GPC5: variants seen among roughly 807,000 people sequenced by gnomAD.
GPC5 encodes glypican 5.
Under a neutral mutation model 53.9 loss-of-function variants are expected in GPC5, and 47 were observed. The observed-to-expected ratio is 0.87, with a 90% CI of 0.69 to 1.11. GPC5 has a LOEUF of 1.11. Among genes scored for constraint, GPC5 ranks in the 50% most tolerant of loss-of-function variants. GPC5 has a pLI of 0.00. For missense variants in GPC5, 748 were observed against 713.1 expected (o/e 1.05, Z -0.56); for synonymous variants, 286 against 263.3 (o/e 1.09, Z -0.84).
At position 92,067,398 on chromosome 13, in the gene GPC5, G is replaced by T. The variant is rs2041176006; in HGVS notation, c.1402-77432G>T. 2.6e-5 allele frequency among the ~76,000 whole-genome samples: 4 copies of T among 152,138 alleles called. No homozygotes were observed. In the South Asian group the frequency reaches 8.3e-4, roughly 32 times the overall value. On this transcript the variant is annotated intron_variant, in intron 6 of 7. Transcript: ENST00000377067. The stretch of plus-strand genomic sequence containing the variant: ...GTAATTCTTTAATTCTGGTATGCGT[G>T]CAACATCCCTTGTGTATGCAAACAA...
chr13:92,325,864 G>A (rs2043247480), intron 7 of GPC5, among the ~76,000 whole-genome samples: 2 of 152,060 alleles, frequency 1.3e-5, no homozygotes, highest in Admixed American at 6.6e-5. Flanking sequence ...AGGGGGTGAC[G>A]TTACAAAGGG....
intron 6 of GPC5, among the ~76,000 whole-genome samples, chr13:91,951,073 T>G (rs1468360772): frequency 2.0e-5 from 3 of 152,168 alleles, no homozygotes; most frequent in Non-Finnish European, 4.4e-5. Context: ...TACAGCTAGT[T>G]TAAGAGCTCC....
chr13:91,718,357 G>T (rs149313851), intron 3 of GPC5, among the ~76,000 whole-genome samples: 285 of 151,260 alleles, frequency 1.9e-3, no homozygotes, highest in African/African-American at 6.8e-3. Flanking sequence ...TGATCCACCC[G>T]CTTTGGCCTC....
At chr13:91,971,401 T>C (rs567217612) in intron 6 of GPC5, among the ~76,000 whole-genome samples, 8 of 152,280 alleles carry the variant, frequency 5.3e-5, no homozygotes, top group African/African-American at 1.9e-4. Context: ...ATTTTGTTGA[T>C]CTTTTCAAAA....
chr13:91,892,641 T>G (rs1193062854), intron 5 of GPC5, among the ~76,000 whole-genome samples: 3 of 151,762 alleles, frequency 2.0e-5, no homozygotes, highest in Non-Finnish European at 4.4e-5. Context: ...TATATAATTT[T>G]AGAAACATGA....
intron 3 of GPC5, among the ~76,000 whole-genome samples, chr13:91,700,777 G>A (rs1350467025): frequency 6.6e-6 from 1 of 152,058 alleles, no homozygotes; most frequent in African/African-American, 2.4e-5. Flanking sequence ...ATCAAATTAC[G>A]TGTCAAATGT....
intron 6 of GPC5, among the ~76,000 whole-genome samples, chr13:91,934,590 A>G (rs536311398): frequency 2.0e-5 from 3 of 152,096 alleles, no homozygotes; most frequent in East Asian, 3.9e-4. Flanking sequence ...TTGAAACAGA[A>G]TAGATAGCAG....
At chr13:92,030,570 C>A (rs576293975) in intron 6 of GPC5, among the ~76,000 whole-genome samples, 15 of 152,256 alleles carry the variant, frequency 9.9e-5, no homozygotes, top group Non-Finnish European at 2.2e-4. Flanking sequence ...CCTTTCCCTA[C>A]ATATATCACA....
intron 3 of GPC5, among the ~76,000 whole-genome samples, chr13:91,702,059 A>G (rs958814899): frequency 1.3e-5 from 2 of 152,128 alleles, no homozygotes; most frequent in South Asian, 2.1e-4. Flanking sequence ...GATATTAAAC[A>G]TTTAAACATA....
chr13:92,242,335 T>C (rs1305321915), intron 7 of GPC5, among the ~76,000 whole-genome samples: 1 of 152,080 alleles, frequency 6.6e-6, no homozygotes, highest in African/African-American at 2.4e-5. Flanking sequence ...CAGCATCTAA[T>C]TGAATTTAAA....
intron 2 of GPC5, among the ~76,000 whole-genome samples, chr13:91,624,896 T>A (rs2033957733): frequency 6.6e-6 from 1 of 151,888 alleles, no homozygotes; most frequent in Non-Finnish European, 1.5e-5. Context: ...ATAAAAGCTC[T>A]ACTCTGAGGA....
At chr13:92,694,671 T>G (rs1887507813) in intron 7 of GPC5, among the ~76,000 whole-genome samples, 1 of 152,226 alleles carries the variant, frequency 6.6e-6, no homozygotes, top group African/African-American at 2.4e-5. Context: ...TTTTAAAGGC[T>G]CATAGATGAA....
chr13:91,970,910 T>A (rs2040235603), intron 6 of GPC5, among the ~76,000 whole-genome samples: 1 of 152,236 alleles, frequency 6.6e-6, no homozygotes, highest in Non-Finnish European at 1.5e-5. Context: ...TCATCAAGGA[T>A]ATTGGTCTAA....
At chr13:91,742,688 A>G (rs1383901490) in intron 4 of GPC5, among the ~76,000 whole-genome samples, 2 of 152,158 alleles carry the variant, frequency 1.3e-5, no homozygotes, top group African/African-American at 4.8e-5. Flanking sequence ...CAACTATCAT[A>G]TCCAGTGGCT....
chr13:91,687,028 T>C (rs1031144825), intron 2 of GPC5, among the ~76,000 whole-genome samples: 2 of 151,976 alleles, frequency 1.3e-5, no homozygotes, highest in Non-Finnish European at 2.9e-5. Flanking sequence ...CCTCAAATTG[T>C]AATTGAAATT....
intron 2 of GPC5, among the ~76,000 whole-genome samples, chr13:91,567,772 A>G (rs554030282): frequency 1.3e-5 from 2 of 152,290 alleles, no homozygotes; most frequent in East Asian, 3.9e-4. Context: ...TCCACTTTAG[A>G]AAGCCTTAGT....
intron 6 of GPC5, among the ~76,000 whole-genome samples, chr13:92,080,185 C>A (rs1027360981): frequency 2.0e-5 from 3 of 152,116 alleles, no homozygotes; most frequent in Admixed American, 2.0e-4. Context: ...ATTTATCAGG[C>A]TCTTTTATTT....
chr13:92,151,232 C>T (rs1455256852), intron 7 of GPC5, among the ~76,000 whole-genome samples: 1 of 151,810 alleles, frequency 6.6e-6, no homozygotes, highest in Non-Finnish European at 1.5e-5. Flanking sequence ...TGAGCTGATC[C>T]CAGAGCCTCT....
At chr13:92,790,909 T>TA (rs1374893330) in intron 7 of GPC5, among the ~76,000 whole-genome samples, 1 of 152,102 alleles carries the variant, frequency 6.6e-6, no homozygotes, top group Non-Finnish European at 1.5e-5. Context: ...AATAAGATTT[T>TA]AAAAAACAAA....
Sources: gnomAD v4.1 joint callset for allele counts (sites outside exome capture counted in the v4.1 genomes callset) on GRCh38, gnomAD v4.1.1 for gene constraint, MANE v1.5 for transcripts, NCBI Gene and HGNC (gene_info 2026-07-23, HGNC 2026-07-21) for gene names.